Variants in MPP4 observed in about 807,000 individuals in gnomAD.
MPP4 encodes MAGUK p55 scaffold protein 4.
In MPP4, 91 loss-of-function variants were observed where a neutral mutation model predicts 98.3. The ratio of observed to expected loss-of-function variants is 0.93; its 90% CI spans 0.78 to 1.10. The LOEUF (loss-of-function observed/expected upper bound fraction) is 1.10, where lower values mean the gene tolerates loss of function less well. Among genes scored for constraint, MPP4 ranks in the 50% least tolerant of loss-of-function variants. The pLI, the probability that MPP4 is intolerant of heterozygous loss-of-function variation, is 0.00. For synonymous variants in MPP4, 261 were observed against 271.8 expected, an observed-to-expected ratio of 0.96 and a Z score of 0.39; for missense variants, 744 against 792.9, an observed-to-expected ratio of 0.94 and a Z score of 0.74.
chr2:201,660,181 GA>G, intron 15 of MPP4, 150 bp downstream of exon 15: 1 of 736,684 alleles, frequency 1.4e-6, no homozygotes, highest in Admixed American at 2.9e-5. Context: ...GTTTCCTCGG[GA>G]AAAAATGTAA....
chr2:201,654,742 C>G (rs1014853774), intron 18 of MPP4, 95 bp downstream of exon 18: 2 of 814,176 alleles, frequency 2.5e-6, no homozygotes, highest in Non-Finnish European at 1.9e-6. Flanking sequence ...GTGTTGTATA[C>G]TTTTACAACA....
intron 15 of MPP4, among the ~76,000 whole-genome samples, chr2:201,660,089 A>G (rs1687983239): frequency 6.6e-6 from 1 of 152,208 alleles, no homozygotes; most frequent in Non-Finnish European, 1.5e-5. Flanking sequence ...AATGTTGTCT[A>G]TGAAACTGAA....
intron 7 of MPP4, 143 bp from the exon 8 acceptor site, chr2:201,683,059 T>A: frequency 8.9e-5 from 44 of 496,392 alleles, no homozygotes; most frequent in Non-Finnish European, 1.1e-4. Context: ...AAAAGAAAGC[T>A]GGTTATTCCA....
chr2:201,650,045 G>A (rs931923600), intron 19 of MPP4, 27 bp downstream of exon 19: 2 of 1,517,392 alleles, frequency 1.3e-6, no homozygotes, highest in South Asian at 1.3e-5. Context: ...CAAGAGGTAA[G>A]AATCAGCTTC....
At chr2:201,663,947 G>C in intron 14 of MPP4, 134 bp downstream of exon 14, 2 of 464,874 alleles carry the variant, frequency 4.3e-6, no homozygotes, top group Middle Eastern at 6.6e-4. Flanking sequence ...AACATGATGT[G>C]GGATACACGC....
At position 201,696,854 on chromosome 2, in the gene MPP4, A is replaced by G. The variant is rs114622798; in HGVS notation, c.-101+1733T>C. Among the ~76,000 whole-genome samples, 1,215 of 152,306 alleles carry G rather than the reference A, an allele frequency of 8.0e-3. 15 individuals carry two copies. Among genetic ancestry groups the G allele is most frequent in the African/African-American group, 0.028 (1,161 of 41,568 alleles). On this transcript the variant is annotated intron_variant, in intron 1 of 21. Transcript: ENST00000409474. Reference sequence around the variant, plus strand: ...AGCCATAGAGGCAAAAACAATAATTACAGTAATCTACAACTTATGCAAATT... The same window carrying G: ...AGCCATAGAGGCAAAAACAATAATTGCAGTAATCTACAACTTATGCAAATT...
At chr2:201,675,318 T>A in intron 10 of MPP4, 47 bp from the exon 11 acceptor site, 3 of 1,559,348 alleles carry the variant, frequency 1.9e-6, no homozygotes, top group Non-Finnish European at 2.6e-6. Flanking sequence ...CAAAAACCAC[T>A]CTTTGTTAAC....
At chr2:201,656,171 G>A (rs573779726) in intron 17 of MPP4, 27 bp downstream of exon 17, 10 of 1,570,804 alleles carry the variant, frequency 6.4e-6, no homozygotes, top group Admixed American at 1.8e-5. Flanking sequence ...TCAAGGAGGA[G>A]GAGAGACAGT....
intron 13 of MPP4, 102 bp from the exon 14 acceptor site, chr2:201,664,203 T>C: frequency 6.7e-7 from 1 of 1,501,574 alleles, no homozygotes; most frequent in Non-Finnish European, 9.0e-7. Context: ...CTTCTGCCCA[T>C]ACACCACCTT....
intron 8 of MPP4, 40 bp from the exon 9 acceptor site, chr2:201,681,607 C>A (rs573912793): frequency 1.3e-6 from 2 of 1,541,110 alleles, no homozygotes; most frequent in South Asian, 1.1e-5. Flanking sequence ...AATCATGGAG[C>A]TAGCAGGGTT....
chr2:201,649,811 ATAGATAT>A, intron 19 of MPP4, 127 bp from the exon 20 acceptor site: 1 of 717,892 alleles, frequency 1.4e-6, no homozygotes, highest in Non-Finnish European at 2.4e-6. Flanking sequence ...GAAAGAATGA[ATAGATAT>A]TCAAGAGGTG....
At chr2:201,691,320 T>G (rs961057587) in intron 3 of MPP4, among the ~76,000 whole-genome samples, 3 of 152,112 alleles carry the variant, frequency 2.0e-5, no homozygotes, top group Non-Finnish European at 2.9e-5. Flanking sequence ...ATTTCACACT[T>G]AAGTGAAGGA....
At position 201,680,826 on chromosome 2, in the gene MPP4, G is replaced by T. The variant is rs1191588517; in HGVS notation, c.929+12C>A. 1.2e-6 allele frequency: 2 copies of T among 1,601,998 alleles called. No homozygotes were observed. The highest frequency in any genetic ancestry group is 2.7e-5 in the African/African-American group (2 of 74,712). ...GTTCAGCCCTGAGTCCAGGAGTGGT[G>T]ACGTTCCTTACCTCTTCAGAAGGTG... On this transcript the variant is annotated intron_variant, in intron 10 of 21. Transcript: ENST00000409474.
intron 1 of MPP4, among the ~76,000 whole-genome samples, chr2:201,695,549 G>A (rs1689154519): frequency 6.6e-6 from 1 of 152,174 alleles, no homozygotes; most frequent in Non-Finnish European, 1.5e-5. Flanking sequence ...GCCAGTAATA[G>A]GTTGTCATCA....
chr2:201,694,107 C>A, intron 1 of MPP4, 53 bp from the exon 2 acceptor site: 2 of 1,494,414 alleles, frequency 1.3e-6, no homozygotes, highest in Non-Finnish European at 1.8e-6. Context: ...CTGTGCTACA[C>A]ACTGGGATAC....
intron 12 of MPP4, 104 bp from the exon 13 acceptor site, chr2:201,666,476 T>C: frequency 1.2e-6 from 1 of 848,906 alleles, no homozygotes; most frequent in South Asian, 1.9e-5. Context: ...ATCCCAGCAC[T>C]CTGGGAGGCC....
In MPP4 at chr2:201,656,331, C is replaced by A; in HGVS notation, c.1167G>T (p.Lys389Asn). ...TGGCATGCAGCGGGCTGAGGTGAGACTTCCTGCGACAAAGGCGCATGCTGC... is the reference window on the plus strand; with the variant it reads ...TGGCATGCAGCGGGCTGAGGTGAGAATTCCTGCGACAAAGGCGCATGCTGC... ...FRRSMRLCRR[K>N]SHLSPLHASV... Residue 389 changes from lysine to asparagine, a missense_variant, in exon 17 of 22, where the codon AAG becomes AAT. Transcript: ENST00000409474. The A allele has an allele frequency of 1.3e-6, 2 of 1,556,262 alleles. No homozygotes were observed. The highest frequency in any genetic ancestry group is 1.7e-6 in the Non-Finnish European group (2 of 1,149,488).
intron 16 of MPP4, among the ~76,000 whole-genome samples, chr2:201,656,606 T>G (rs949543958): frequency 2.6e-5 from 4 of 152,220 alleles, no homozygotes; most frequent in Middle Eastern, 3.2e-3. Context: ...GATAGATGGC[T>G]CAACTAATCC....
At chr2:201,685,012 C>A in intron 7 of MPP4, 52 bp downstream of exon 7, 1 of 1,420,324 alleles carries the variant, frequency 7.0e-7, no homozygotes. Flanking sequence ...CCTAAACAGT[C>A]AAGGGTTTCC....
Sources: allele counts gnomAD v4.1 joint callset (sites outside exome capture counted in the v4.1 genomes callset), GRCh38; gene constraint gnomAD v4.1.1; transcripts MANE v1.5; gene names NCBI Gene and HGNC (gene_info 2026-07-23, HGNC 2026-07-21).